PCBD2: variants seen among roughly 807,000 people sequenced by gnomAD.
PCBD2 encodes the protein pterin-4 alpha-carbinolamine dehydratase 2, also known as pterin-4-alpha-carbinolamine dehydratase 2.
A neutral mutation model predicts 16.4 loss-of-function variants in PCBD2; 12 were observed. The ratio of observed to expected loss-of-function variants is 0.73; its 90% CI spans 0.47 to 1.19. PCBD2 has a LOEUF of 1.19. PCBD2 is among the 50% of genes most tolerant of loss of function. The pLI is 0.00. For missense variants in PCBD2, 138 were observed against 156.8 expected (o/e 0.88, Z 0.64); for synonymous variants, 58 against 61.8 (o/e 0.94, Z 0.29).
chr5:134,940,514 G>T (rs1282015863), intron 2 of PCBD2, among the ~76,000 whole-genome samples: 3 of 152,118 alleles, frequency 2.0e-5, no homozygotes, highest in African/African-American at 7.2e-5. Flanking sequence ...AGAACACCAG[G>T]GTAGGAATGG....
chr5:134,915,558 C>T (rs531820140), intron 2 of PCBD2, among the ~76,000 whole-genome samples: 2 of 150,664 alleles, frequency 1.3e-5, no homozygotes, highest in South Asian at 4.2e-4. Context: ...GGCGATCATC[C>T]CACCTCAGCC....
chr5:134,917,079 AC>A (rs1420609913), intron 2 of PCBD2, among the ~76,000 whole-genome samples: 1 of 152,266 alleles, frequency 6.6e-6, no homozygotes, highest in Non-Finnish European at 1.5e-5. Flanking sequence ...TGTTGAAAGA[AC>A]AAAATGTCAG....
chr5:134,925,031 T>C (rs374507506), intron 2 of PCBD2: 10 of 392,954 alleles, frequency 2.5e-5, no homozygotes, highest in Non-Finnish European at 3.6e-5. Context: ...ATTTGGGGGG[T>C]GGATGTGGGG....
At chr5:134,936,365 T>C (rs6883047) in intron 2 of PCBD2, among the ~76,000 whole-genome samples, 65,468 of 152,014 alleles carry the variant, frequency 0.43, 14,063 homozygotes, top group East Asian at 0.5. Flanking sequence ...AATAGCTCTC[T>C]GTGGTTAACC....
chr5:134,905,154 C>G lies in PCBD2; in HGVS notation c.15C>G (p.Leu5=), dbSNP rs529540094. Residue 5 remains leucine, a synonymous_variant, in exon 1 of 4, where the codon CTC becomes CTG. Coordinates refer to ENST00000254908, the MANE Select transcript of PCBD2 (RefSeq NM_032151.5). MAAV[L]GALGATRRLL... ...GCAGACGGCCAATGGCGGCGGTGCT[C>G]GGGGCGCTCGGGGCGACGCGGCGCT... is the stretch of plus-strand genomic sequence containing the variant. 1.9e-5 allele frequency: 23 copies of G among 1,220,640 alleles called. No homozygotes were observed. The African/African-American group carries it at 3.3e-4, about 17-fold the overall frequency. 75.6% of individuals were successfully genotyped at this position (1,220,640 alleles called of 1,614,324 possible). A position where few individuals can be genotyped will look rare whatever the true frequency, so the allele number is the denominator to read the frequency against.
At chr5:134,913,089 T>TA (rs1490985299) in intron 2 of PCBD2, among the ~76,000 whole-genome samples, 1 of 152,186 alleles carries the variant, frequency 6.6e-6, no homozygotes, top group Non-Finnish European at 1.5e-5. Context: ...TGGTTACATT[T>TA]AAAAAAATTT....
Position 134,910,477 on chromosome 5 carries a change from T to G in PCBD2, c.216+11T>G. On this transcript the variant is annotated intron_variant, in intron 2 of 3. Transcript: ENST00000254908. ...CACAATTTTAATCAGGTAATTGTTA[T>G]AAATTCTTGCTAGGGCTGTGGTCTA... is the stretch of plus-strand genomic sequence containing the variant. 6.2e-7 allele frequency: 1 copy of G among 1,613,694 alleles called. No individual in the cohort carries two copies. The highest frequency in any genetic ancestry group is 1.1e-5 in the South Asian group (1 of 91,052).
At chr5:134,913,343 AG>A (rs893657184) in intron 2 of PCBD2, among the ~76,000 whole-genome samples, 3 of 152,164 alleles carry the variant, frequency 2.0e-5, no homozygotes, top group Non-Finnish European at 4.4e-5. Context: ...CTCTCTGGGG[AG>A]GGGATCTCTG....
rs1751491377 is a variant in PCBD2, at chr5:134,962,540, A to G, written c.*1859A>G. Among the ~76,000 whole-genome samples the G allele has an allele frequency of 6.6e-6, 1 of 152,220 alleles. No individual in the cohort carries two copies. The highest frequency in any genetic ancestry group is 2.1e-4 in the South Asian group (1 of 4,830). ...AGTGCTGGGATTACAGGCGTGAGCC[A>G]CTGCGCCTGGCCTATAACAATTCTT... On this transcript the variant is annotated 3_prime_UTR_variant, in exon 4 of 4. Coordinates refer to ENST00000254908, the MANE Select transcript of PCBD2 (RefSeq NM_032151.5).
At chr5:134,927,187 A>G in intron 2 of PCBD2, 1 of 398,540 alleles carries the variant, frequency 2.5e-6, no homozygotes, top group Non-Finnish European at 4.4e-6. Context: ...GCAATGAGCG[A>G]TTTTAGGTCT....
chr5:134,959,883 CT>C (rs776164485), intron 3 of PCBD2, among the ~76,000 whole-genome samples: 5,614 of 73,204 alleles, frequency 0.077, 21 homozygotes, highest in East Asian at 0.17. Context: ...TAGAAATGTG[CT>C]TTTTTTTTTT....
chr5:134,913,546 G>A (rs768516558), intron 2 of PCBD2, among the ~76,000 whole-genome samples: 8 of 152,186 alleles, frequency 5.3e-5, no homozygotes, highest in African/African-American at 1.9e-4. Flanking sequence ...CCTTCTTGGC[G>A]TGGTGAGGAG....
intron 2 of PCBD2, among the ~76,000 whole-genome samples, chr5:134,951,845 C>A (rs1165679090): frequency 1.3e-5 from 2 of 151,906 alleles, no homozygotes; most frequent in African/African-American, 2.4e-5. Flanking sequence ...TATGTAGGAG[C>A]TTTTTATATG....
chr5:134,918,252 C>T (rs546804619), intron 2 of PCBD2, among the ~76,000 whole-genome samples: 1 of 152,270 alleles, frequency 6.6e-6, no homozygotes, highest in East Asian at 1.9e-4. Flanking sequence ...CACCTGTAAT[C>T]CCAGCACTTT....
chr5:134,911,483 C>T (rs1750767625), intron 2 of PCBD2, among the ~76,000 whole-genome samples: 1 of 152,170 alleles, frequency 6.6e-6, no homozygotes, highest in African/African-American at 2.4e-5. Context: ...ATCCTTTGGA[C>T]AGATTTATTG....
At chr5:134,932,235 C>T (rs1024677664) in intron 2 of PCBD2, among the ~76,000 whole-genome samples, 10 of 152,104 alleles carry the variant, frequency 6.6e-5, no homozygotes, top group African/African-American at 1.9e-4. Context: ...TGGAGTGCAG[C>T]GACGTGATCG....
At chr5:134,925,523 T>C (rs1387231186) in intron 2 of PCBD2, 3 of 398,272 alleles carry the variant, frequency 7.5e-6, no homozygotes, top group Admixed American at 8.8e-5. Context: ...GTGACTATTA[T>C]AAGTCCTAGT....
At chr5:134,936,971 A>G (rs183509916) in intron 2 of PCBD2, among the ~76,000 whole-genome samples, 5 of 152,358 alleles carry the variant, frequency 3.3e-5, no homozygotes, top group Admixed American at 1.3e-4. Flanking sequence ...AATGGCTATA[A>G]TTTAAAACCA....
chr5:134,909,200 G>A (rs150078402), intron 1 of PCBD2, among the ~76,000 whole-genome samples: 96 of 152,370 alleles, frequency 6.3e-4, no homozygotes, highest in African/African-American at 2.2e-3. Flanking sequence ...AGGCCAGACA[G>A]TGCACACAAG....
Sources: allele counts gnomAD v4.1 joint callset (sites outside exome capture counted in the v4.1 genomes callset), GRCh38; gene constraint gnomAD v4.1.1; transcripts MANE v1.5; gene names NCBI Gene and HGNC (gene_info 2026-07-23, HGNC 2026-07-21).